The following CRISP1 variants were observed in gnomAD, a reference collection of about 807,000 sequenced individuals.
CRISP1 encodes the protein cysteine rich secretory protein 1, also known as cysteine-rich secretory protein 1.
In CRISP1, 44 loss-of-function variants were observed where a neutral mutation model predicts 33.1. The observed-to-expected ratio is 1.33, with a 90% CI of 1.05 to 1.71. The LOEUF is 1.71. Ranked by LOEUF, CRISP1 falls within the 40% of genes most tolerant of loss-of-function variation. The probability of loss-of-function intolerance (pLI) is 0.00; values close to 1 mark genes in which losing one functional copy is unlikely to be tolerated. For missense variants in CRISP1, 390 were observed against 301.2 expected, an observed-to-expected ratio of 1.29 and a Z score of -2.18; for synonymous variants, 103 against 98.7, an observed-to-expected ratio of 1.04 and a Z score of -0.26.
At chr6:49,852,256 T>A in intron 2 of CRISP1, 127 bp from the exon 3 acceptor site, 1 of 820,742 alleles carries the variant, frequency 1.2e-6, no homozygotes, top group Non-Finnish European at 1.8e-6. Context: ...CATTTTTGAA[T>A]TTATAATGTC....
intron 1 of CRISP1, among the ~76,000 whole-genome samples, chr6:49,875,499 A>G (rs1342291975): frequency 1.3e-5 from 2 of 152,162 alleles, no homozygotes; most frequent in African/African-American, 4.8e-5. Context: ...AGTCAATGCT[A>G]TTCCCATTAA....
At chr6:49,860,604 G>A (rs1173261517) in intron 1 of CRISP1, among the ~76,000 whole-genome samples, 1 of 151,920 alleles carries the variant, frequency 6.6e-6, no homozygotes, top group Non-Finnish European at 1.5e-5. Flanking sequence ...AAAACCTATG[G>A]GGATACAGCA....
chr6:49,873,011 T>C (rs959053161), intron 1 of CRISP1, among the ~76,000 whole-genome samples: 3 of 152,032 alleles, frequency 2.0e-5, no homozygotes, highest in Non-Finnish European at 4.4e-5. Context: ...ATTTTCATGA[T>C]ATTGATTCTT....
At chr6:49,851,244 C>T (rs1771337449) in intron 3 of CRISP1, among the ~76,000 whole-genome samples, 1 of 152,140 alleles carries the variant, frequency 6.6e-6, no homozygotes, top group Non-Finnish European at 1.5e-5. Context: ...GAATCACCCT[C>T]CAGAGCCTGC....
chr6:49,861,648 C>T (rs1272775618), intron 1 of CRISP1, among the ~76,000 whole-genome samples: 2 of 152,044 alleles, frequency 1.3e-5, no homozygotes, highest in Non-Finnish European at 2.9e-5. Flanking sequence ...CTTTGGGAGG[C>T]CGAGGTGGGC....
intron 2 of CRISP1, among the ~76,000 whole-genome samples, chr6:49,856,026 T>C (rs935677692): frequency 1.3e-5 from 2 of 152,226 alleles, no homozygotes; most frequent in African/African-American, 4.8e-5. Context: ...ATTCTAATAA[T>C]TCTCTGTTAT....
intron 2 of CRISP1, among the ~76,000 whole-genome samples, 189 bp from the exon 3 acceptor site, chr6:49,852,318 G>A (rs898292977): frequency 2.0e-5 from 3 of 151,996 alleles, no homozygotes; most frequent in African/African-American, 4.8e-5. Context: ...ATTTCTCAAC[G>A]TCAGGCTGAC....
At chr6:49,859,996 T>C (rs1266218343) in intron 1 of CRISP1, among the ~76,000 whole-genome samples, 1 of 152,030 alleles carries the variant, frequency 6.6e-6, no homozygotes, top group African/African-American at 2.4e-5. Flanking sequence ...TAAAACAGAC[T>C]TTAAGTTCAA....
intron 1 of CRISP1, among the ~76,000 whole-genome samples, chr6:49,860,216 T>C (rs1212853459): frequency 6.6e-6 from 1 of 152,116 alleles, no homozygotes; most frequent in Non-Finnish European, 1.5e-5. Flanking sequence ...AGATCATCTA[T>C]ATAGAAATTA....
At chr6:49,862,903 G>A (rs1320626380) in intron 1 of CRISP1, among the ~76,000 whole-genome samples, 1 of 151,786 alleles carries the variant, frequency 6.6e-6, no homozygotes, top group Non-Finnish European at 1.5e-5. Flanking sequence ...GTCAAAATAT[G>A]AGGGTAAAAG....
intron 2 of CRISP1, among the ~76,000 whole-genome samples, chr6:49,852,735 G>A (rs113269244): frequency 5.1e-4 from 78 of 152,188 alleles, no homozygotes; most frequent in African/African-American, 1.7e-3. Context: ...CTATAATCTT[G>A]AATTTGTGAC....
rs1028004139 is a variant in CRISP1 at position 49,834,705 on chromosome 6, A to G, written c.*611T>C. ...AACATGCATCTTGTATGCAATCAGT[A>G]CTGAATACATATTTTGTTAAATTAA... On this transcript the variant is annotated 3_prime_UTR_variant, in exon 8 of 8. Transcript: ENST00000335847. The G allele has an allele frequency of 2.0e-5, 3 of 152,226 alleles. No individual in the cohort carries two copies. The highest frequency in any genetic ancestry group is 7.2e-5 in the African/African-American group (3 of 41,456). 9.4% of individuals were successfully genotyped at this position (152,226 alleles called of 1,614,324 possible).
At chr6:49,850,282 G>A (rs1017165395) in intron 3 of CRISP1, among the ~76,000 whole-genome samples, 10 of 151,922 alleles carry the variant, frequency 6.6e-5, no homozygotes, top group African/African-American at 1.9e-4. Context: ...AAAACTTACC[G>A]GAACTGGAAC....
intron 5 of CRISP1, among the ~76,000 whole-genome samples, chr6:49,845,662 A>G (rs1216686515): frequency 6.6e-6 from 1 of 151,300 alleles, no homozygotes; most frequent in Non-Finnish European, 1.5e-5. Context: ...GCACTCAAAC[A>G]GATATTTTCA....
chr6:49,865,407 C>T (rs573755268), intron 1 of CRISP1, among the ~76,000 whole-genome samples: 3 of 152,222 alleles, frequency 2.0e-5, no homozygotes, highest in South Asian at 2.1e-4. Context: ...AATGTGCAAA[C>T]TATCATATTT....
At chr6:49,845,309 A>G (rs1457387552) in intron 5 of CRISP1, among the ~76,000 whole-genome samples, 3 of 152,030 alleles carry the variant, frequency 2.0e-5, no homozygotes, top group African/African-American at 4.8e-5. Flanking sequence ...TGCACTGGGG[A>G]GAAGCCATGT....
chr6:49,841,528 A>G (rs1479866235), intron 5 of CRISP1, among the ~76,000 whole-genome samples: 1 of 152,008 alleles, frequency 6.6e-6, no homozygotes, highest in Admixed American at 6.6e-5. Flanking sequence ...GATGATCAAA[A>G]CTCTGTGTCA....
chr6:49,858,540 A>G (rs1771556403), intron 1 of CRISP1, among the ~76,000 whole-genome samples: 2 of 152,326 alleles, frequency 1.3e-5, no homozygotes, highest in South Asian at 4.1e-4. Context: ...AGACATGCTC[A>G]ATATGAGAAG....
chr6:49,849,657 A>G (rs750151646), intron 3 of CRISP1, among the ~76,000 whole-genome samples: 3 of 152,164 alleles, frequency 2.0e-5, no homozygotes, highest in Non-Finnish European at 1.5e-5. Flanking sequence ...ATAAGTTTTT[A>G]TGTAAATCAT....
Sources: allele counts gnomAD v4.1 joint callset (sites outside exome capture counted in the v4.1 genomes callset), GRCh38; gene constraint gnomAD v4.1.1; transcripts MANE v1.5; gene names NCBI Gene and HGNC (gene_info 2026-07-23, HGNC 2026-07-21).